The following PLCH2 variants were observed in gnomAD, a reference collection of about 807,000 sequenced individuals.
The protein encoded by PLCH2 is 1-phosphatidylinositol 4,5-bisphosphate phosphodiesterase eta-2.
In PLCH2, 98 loss-of-function variants were observed where a neutral mutation model predicts 134.7. The observed-to-expected ratio is 0.73, with a 90% CI of 0.62 to 0.86. The LOEUF is 0.86. Ranked by LOEUF, PLCH2 falls within the 40% of genes least tolerant of loss-of-function variation. PLCH2 has a pLI of 0.00. For missense variants in PLCH2, 1,994 were observed against 1,986.6 expected (o/e 1.00, Z -0.07); for synonymous variants, 974 against 827.5 (o/e 1.18, Z -3.04).
rs1332245851 is a variant in PLCH2 at position 2,459,470 on chromosome 1, T to TTGCTGGTGG, written c.116-19005_116-19004insGCTGGTGGT. The stretch of plus-strand genomic sequence containing the variant: ...TGGTCCTCCTTCCTGGTGGTTCTCC[T>TTGCTGGTGG]TCCTGGTGGTCCTCCTTCCTGGTGG... On this transcript the variant is annotated intron_variant, in intron 2 of 3. Transcript: ENST00000609981. Among the ~76,000 whole-genome samples, 141 of 54,458 alleles carry TTGCTGGTGG rather than the reference T, an allele frequency of 2.6e-3. 20 individuals carry two copies. Among genetic ancestry groups the TTGCTGGTGG allele is most frequent in the South Asian group, 4.0e-3 (4 of 1,002 alleles). The allele number at this position is 54,458 out of a possible 152,430, so 35.7% of individuals were successfully genotyped here.
intron 1 of PLCH2, among the ~76,000 whole-genome samples, chr1:2,468,557 T>C (rs1460276705): frequency 2.8e-5 from 4 of 144,150 alleles, no homozygotes; most frequent in Admixed American, 2.7e-4. Context: ...GCGCTAGCTC[T>C]GGGCCAGGGG....
rs975551747 is a variant in PLCH2 at position 2,496,478 on chromosome 1, C to T, written c.1836-129C>T. ...GCAGCCCGCGGCCCAGTCTGGCGTC[C>T]GTCTCTGATGGTTCGGGGCCTGCTG... On this transcript the variant is annotated intron_variant, in intron 13 of 21. Transcript: ENST00000378486. 32 of 764,152 alleles carry T rather than the reference C, an allele frequency of 4.2e-5. No homozygotes were observed. The East Asian group carries it at 5.4e-4, about 13-fold the overall frequency. 47.3% of individuals were successfully genotyped at this position (764,152 alleles called of 1,614,324 possible).
chr1:2,474,238 C>T (rs1357439203), upstream of PLCH2, among the ~76,000 whole-genome samples: 1 of 151,960 alleles, frequency 6.6e-6, no homozygotes, highest in African/African-American at 2.4e-5. Context: ...TCTTAAGTCT[C>T]TGGGCCTGGG....
Position 2,480,324 on chromosome 1 carries a change from G to T in PLCH2, c.645+12G>T. On this transcript the variant is annotated intron_variant, in intron 4 of 21. Coordinates refer to ENST00000378486, the MANE Select transcript of PLCH2 (RefSeq NM_014638.4). ...AGCAGATGTTCAGGGTGAGCTGGGG[G>T]GAGCCCTACCTGGGCTCCAGAGCCA... 6.2e-7 allele frequency: 1 copy of T among 1,609,936 alleles called. No individual in the cohort carries two copies. Among genetic ancestry groups the T allele is most frequent in the Non-Finnish European group, 8.5e-7 (1 of 1,177,974 alleles).
chr1:2,437,642 G>T (rs562485176), intron 2 of PLCH2, among the ~76,000 whole-genome samples: 2 of 152,168 alleles, frequency 1.3e-5, no homozygotes, highest in African/African-American at 4.8e-5. Context: ...TAGCCAGATC[G>T]CCTGCTCCCT....
At chr1:2,433,405 G>A (rs996282969) in intron 2 of PLCH2, among the ~76,000 whole-genome samples, 4 of 152,208 alleles carry the variant, frequency 2.6e-5, no homozygotes, top group Admixed American at 1.3e-4. Context: ...CATCCGGGCC[G>A]GTGTGCTCCT....
At chr1:2,489,617 T>A (rs1642460082) in intron 9 of PLCH2, 143 bp from the exon 10 acceptor site, 1 of 747,392 alleles carries the variant, frequency 1.3e-6, no homozygotes, top group Admixed American at 2.3e-5. Context: ...CTGGCCAGTC[T>A]GGCCCCTGCC....
intron 2 of PLCH2, among the ~76,000 whole-genome samples, chr1:2,436,337 CTCCACCTT>C (rs145261367): frequency 0.033 from 338 of 10,168 alleles, 67 homozygotes; most frequent in East Asian, 0.31. Context: ...CCCTTCCTCC[CTCCACCTT>C]TCCTCCCTTC....
At chr1:2,465,940 T>A (rs534944096), upstream of PLCH2, among the ~76,000 whole-genome samples, 3 of 152,316 alleles carry the variant, frequency 2.0e-5, no homozygotes, top group African/African-American at 7.2e-5. Flanking sequence ...TCTGTGGCTT[T>A]CGCCTTCTGT....
chr1:2,458,792 C>A (rs1450403303), intron 2 of PLCH2, among the ~76,000 whole-genome samples: 1 of 152,238 alleles, frequency 6.6e-6, no homozygotes, highest in East Asian at 1.9e-4. Flanking sequence ...GGCCACGTTT[C>A]ATTCCCACTT....
At chr1:2,499,305 G>GA in intron 19 of PLCH2, 75 bp downstream of exon 19, 2 of 1,535,412 alleles carry the variant, frequency 1.3e-6, no homozygotes, top group Non-Finnish European at 1.8e-6. Context: ...TTTCCCCTGT[G>GA]AGTCAGTGCC....
Position 2,439,600 on chromosome 1 carries a change from T to C in PLCH2, c.115+8971T>C, listed in dbSNP as rs1639595445. ...TTGCGTGCACGTGCTCTCTCTGCAG[T>C]GCTCAGCTGTGCCTCTCCGGGCTGT... On this transcript the variant is annotated intron_variant, in intron 2 of 3. Coordinates refer to the PLCH2 transcript ENST00000609981. The surrounding 1 kb of genome is among the most constrained non-coding windows in gnomAD (Gnocchi z 4.7). Among the ~76,000 whole-genome samples the C allele has an allele frequency of 2.0e-5, 3 of 152,312 alleles. No homozygotes were observed. Among genetic ancestry groups the C allele is most frequent in the African/African-American group, 7.2e-5 (3 of 41,582 alleles).
intron 4 of PLCH2, among the ~76,000 whole-genome samples, chr1:2,481,348 G>A (rs1224981141): frequency 6.6e-6 from 1 of 152,274 alleles, no homozygotes; most frequent in Non-Finnish European, 1.5e-5. Context: ...TGCCTGGGCT[G>A]TGGGGGCTGG....
upstream of PLCH2, among the ~76,000 whole-genome samples, chr1:2,463,843 G>T (rs773140795): frequency 6.6e-6 from 1 of 152,244 alleles, no homozygotes; most frequent in Admixed American, 6.5e-5. Flanking sequence ...GAGAACTGCT[G>T]GTCCTCCCTG....
rs772829418 is a variant in PLCH2 at position 2,496,566 on chromosome 1, C to T, written c.1836-41C>T. The T allele has an allele frequency of 4.6e-6, 7 of 1,527,916 alleles. No homozygotes were observed. The South Asian group carries it at 8.2e-5, about 18-fold the overall frequency. The allele number at this position is 1,527,916 out of a possible 1,614,324, so 94.6% of individuals were successfully genotyped here. On this transcript the variant is annotated intron_variant, in intron 13 of 21. Transcript: ENST00000378486. The stretch of plus-strand genomic sequence containing the variant: ...CTCACGGAGCTGGGTGCCAGGCTGG[C>T]CCTGGACGGGAGGGGTTCTGACCCC...
intron 19 of PLCH2, 122 bp from the exon 20 acceptor site, chr1:2,499,503 ACAGGAGGCAGAGGCCC>A (rs1374009549): frequency 6.8e-6 from 5 of 735,896 alleles, no homozygotes; most frequent in Non-Finnish European, 1.2e-5. Flanking sequence ...TGCTGGGCCC[ACAGGAGGCAGAGGCCC>A]CAGGCCTGGG....
In PLCH2 at chr1:2,498,282, C is replaced by T. The variant is rs1449596010; in HGVS notation, c.2225-241C>T. 21 of 513,710 alleles carry T rather than the reference C, an allele frequency of 4.1e-5. No individual in the cohort carries two copies. In the South Asian group the frequency reaches 4.6e-4, roughly 11 times the overall value. The allele number at this position is 513,710 out of a possible 1,614,324, so 31.8% of individuals were successfully genotyped here. ...ACCCCCAGAAGCCATGTGACCTCCTCGGCTCAGCTGTGGGAGGCATGGGCT... is the reference window on the plus strand; with the variant it reads ...ACCCCCAGAAGCCATGTGACCTCCTTGGCTCAGCTGTGGGAGGCATGGGCT... On this transcript the variant is annotated intron_variant, in intron 16 of 21. Transcript: ENST00000378486. This position sits in a 1 kb window ranked among gnomAD's most constrained non-coding sequence, Gnocchi z 5.4.
chr1:2,504,985 C>T lies in PLCH2; in HGVS notation c.4023C>T (p.Arg1341=), dbSNP rs1445390448. 3.2e-6 allele frequency: 5 copies of T among 1,547,586 alleles called. No homozygotes were observed. In the South Asian group the frequency reaches 5.9e-5, roughly 18 times the overall value. ...GTTTTGTGCGGCGCTCCTCCTCCCG[C>T]AGCCACAGCCGCGTGCGTGCCATTG... ...GPGFVRRSSS[R]SHSRVRAIAS... The change falls in exon 22 of 22, where the codon CGC becomes CGT. Residue 1341 remains arginine, a synonymous_variant. Coordinates refer to ENST00000378486, the MANE Select transcript of PLCH2 (RefSeq NM_014638.4).
Position 2,496,922 on chromosome 1 carries a change from G to C in PLCH2, c.2028G>C (p.Gln676His). Reference sequence around the variant, plus strand: ...CGCAGTACCTACGCTTCAACCAGCAGCAGCTCTCCCGCATCTACCCCTCCT... The same window carrying C: ...CGCAGTACCTACGCTTCAACCAGCACCAGCTCTCCCGCATCTACCCCTCCT... ...KPAQYLRFNQ[Q>H]QLSRIYPSSY... The change falls in exon 15 of 22, where the codon CAG becomes CAC. Residue 676 changes from glutamine to histidine, a missense_variant. Gln to His is a conservative substitution (Grantham distance 24). Coordinates refer to ENST00000378486, the MANE Select transcript of PLCH2 (RefSeq NM_014638.4). The C allele has an allele frequency of 6.2e-7, 1 of 1,613,278 alleles. No individual in the cohort carries two copies. The highest frequency in any genetic ancestry group is 8.5e-7 in the Non-Finnish European group (1 of 1,179,866).
Sources: gnomAD v4.1 joint callset for allele counts (sites outside exome capture counted in the v4.1 genomes callset) on GRCh38, gnomAD v4.1.1 for gene constraint, Gnocchi (gnomAD v3.1) non-coding constraint, MANE v1.5 for transcripts, NCBI Gene and HGNC (gene_info 2026-07-23, HGNC 2026-07-21) for gene names.